DNAJC3: variants seen among roughly 807,000 people sequenced by gnomAD.
DNAJC3 encodes DnaJ heat shock protein family (Hsp40) member C3, also known as dnaJ homolog subfamily C member 3.
In DNAJC3, 38 loss-of-function variants were observed where a neutral mutation model predicts 68.6. That is an observed-to-expected ratio of 0.55 (90% CI 0.43 to 0.73). DNAJC3 has a LOEUF of 0.73. Ranked by LOEUF, DNAJC3 falls within the 30% of genes least tolerant of loss-of-function variation. The probability of loss-of-function intolerance (pLI) is 0.00; values close to 1 mark genes in which losing one functional copy is unlikely to be tolerated. For missense variants in DNAJC3, 526 were observed against 591.9 expected (o/e 0.89, Z 1.16); for synonymous variants, 203 against 204.0 (o/e 1.00, Z 0.04).
intron 9 of DNAJC3, among the ~76,000 whole-genome samples, chr13:95,781,992 C>T (rs942770360): frequency 2.0e-5 from 3 of 152,042 alleles, no homozygotes; most frequent in East Asian, 3.9e-4. Flanking sequence ...GTGTGATGTT[C>T]CCCTCCCTGT....
At chr13:95,755,911 C>T (rs1480037191) in intron 4 of DNAJC3, among the ~76,000 whole-genome samples, 2 of 152,158 alleles carry the variant, frequency 1.3e-5, no homozygotes, top group Admixed American at 6.5e-5. Context: ...AATCCTCTCT[C>T]CCTCTTCCCC....
intron 6 of DNAJC3, 116 bp from the exon 7 acceptor site, chr13:95,760,563 G>A: frequency 1.5e-6 from 2 of 1,312,528 alleles, no homozygotes; most frequent in Admixed American, 4.9e-5. Context: ...ATAAGTCTCA[G>A]TATGGTTTTT....
chr13:95,701,990 C>G (rs1327056660), intron 1 of DNAJC3, among the ~76,000 whole-genome samples: 2 of 152,186 alleles, frequency 1.3e-5, no homozygotes, highest in Admixed American at 6.5e-5. Flanking sequence ...TTTGTTTTAA[C>G]ACATATGCAT....
At chr13:95,701,747 C>T (rs1253942098) in intron 1 of DNAJC3, among the ~76,000 whole-genome samples, 2 of 152,208 alleles carry the variant, frequency 1.3e-5, no homozygotes, top group African/African-American at 4.8e-5. Flanking sequence ...TTATTGAGCA[C>T]TTAAACTGTT....
At chr13:95,717,658 C>T (rs1193218741) in intron 2 of DNAJC3, among the ~76,000 whole-genome samples, 2 of 152,054 alleles carry the variant, frequency 1.3e-5, no homozygotes, top group African/African-American at 4.8e-5. Flanking sequence ...GGGGATGGTT[C>T]CCCCCATACT....
At chr13:95,756,974 T>A (rs1203526287) in intron 4 of DNAJC3, among the ~76,000 whole-genome samples, 1 of 152,154 alleles carries the variant, frequency 6.6e-6, no homozygotes, top group East Asian at 1.9e-4. Context: ...ATTTATTTTT[T>A]AAAAAATCAT....
intron 1 of DNAJC3, among the ~76,000 whole-genome samples, chr13:95,683,432 T>A (rs1021622235): frequency 2.0e-5 from 3 of 152,174 alleles, no homozygotes; most frequent in South Asian, 4.1e-4. Flanking sequence ...GTTATTGTGA[T>A]AGAATTCTCA....
chr13:95,737,331 C>T (rs975408800), intron 4 of DNAJC3, among the ~76,000 whole-genome samples: 2 of 152,130 alleles, frequency 1.3e-5, no homozygotes, highest in Non-Finnish European at 2.9e-5. Context: ...TGATGCTGGC[C>T]TCATAAAATG....
intron 4 of DNAJC3, among the ~76,000 whole-genome samples, chr13:95,746,307 T>G (rs1455518432): frequency 6.6e-6 from 1 of 152,194 alleles, no homozygotes; most frequent in Non-Finnish European, 1.5e-5. Flanking sequence ...TGGAAAGATA[T>G]GCAAGAAACT....
At chr13:95,693,664 C>T (rs150915446) in intron 1 of DNAJC3, 2 of 152,284 alleles carry the variant, frequency 1.3e-5, no homozygotes, top group Non-Finnish European at 2.9e-5. Flanking sequence ...GACTATTAGT[C>T]TTCTAACTAA....
At chr13:95,734,253 T>G (rs1881814589) in intron 4 of DNAJC3, among the ~76,000 whole-genome samples, 1 of 152,192 alleles carries the variant, frequency 6.6e-6, no homozygotes, top group South Asian at 2.1e-4. Flanking sequence ...GGGAAAGGCT[T>G]TATTTTTCTC....
At chr13:95,725,682 T>C (rs1357829509) in intron 4 of DNAJC3, among the ~76,000 whole-genome samples, 1 of 151,720 alleles carries the variant, frequency 6.6e-6, no homozygotes, top group African/African-American at 2.4e-5. Context: ...TTTTTTTTTA[T>C]TATTATTATA....
intron 9 of DNAJC3, among the ~76,000 whole-genome samples, chr13:95,773,638 A>T (rs1224804296): frequency 6.6e-6 from 1 of 151,722 alleles, no homozygotes; most frequent in East Asian, 1.9e-4. Context: ...AAGGTCTGTA[A>T]GATTATTCCT....
Position 95,792,588 on chromosome 13 carries a change from TGA to T in DNAJC3, c.*1563_*1564del, listed in dbSNP as rs1431461336. 3 of 152,206 alleles carry T rather than the reference TGA, an allele frequency of 2.0e-5. No individual in the cohort carries two copies. The highest frequency in any genetic ancestry group is 2.0e-4 in the Admixed American group (3 of 15,284). The allele number at this position is 152,206 out of a possible 1,614,324, so 9.4% of individuals were successfully genotyped here. ...AAACATAGGTGGACAAATTTTTAACTGAGAGACAAAAATCACATAGTTGAATT... is the reference window on the plus strand; with the variant it reads ...AAACATAGGTGGACAAATTTTTAACTGAGACAAAAATCACATAGTTGAATT... On this transcript the variant is annotated 3_prime_UTR_variant, in exon 12 of 12. Transcript: ENST00000602402.
intron 1 of DNAJC3, among the ~76,000 whole-genome samples, chr13:95,697,509 A>T (rs2139613508): frequency 6.6e-6 from 1 of 152,330 alleles, no homozygotes; most frequent in Non-Finnish European, 1.5e-5. Flanking sequence ...CGTCTTGTAT[A>T]GTATCTTCCA....
chr13:95,757,255 A>T lies in DNAJC3; in HGVS notation c.394-389A>T, dbSNP rs924396342. On this transcript the variant is annotated intron_variant, in intron 4 of 11. Coordinates refer to ENST00000602402, the MANE Select transcript of DNAJC3 (RefSeq NM_006260.5). Reference sequence around the variant, plus strand: ...TTTTGGTTATTTTATACTTAAAAAAATACTTAGGAACTATAAGTAGAAGGC... The same window carrying T: ...TTTTGGTTATTTTATACTTAAAAAATTACTTAGGAACTATAAGTAGAAGGC... Among the ~76,000 whole-genome samples, 5 of 152,194 alleles carry T rather than the reference A, an allele frequency of 3.3e-5. No homozygotes were observed. The East Asian group carries it at 7.7e-4, about 23-fold the overall frequency.
At chr13:95,788,761 C>A (rs1335192655) in intron 11 of DNAJC3, among the ~76,000 whole-genome samples, 3 of 152,184 alleles carry the variant, frequency 2.0e-5, no homozygotes, top group African/African-American at 7.2e-5. Flanking sequence ...GCCATTATCA[C>A]CCCCACCCCT....
intron 4 of DNAJC3, among the ~76,000 whole-genome samples, chr13:95,733,524 T>C (rs1250297825): frequency 2.0e-5 from 3 of 152,092 alleles, no homozygotes; most frequent in African/African-American, 4.8e-5. Flanking sequence ...CCTGAGTAGC[T>C]GGGACTACAG....
At chr13:95,775,952 A>T (rs1883279145) in intron 9 of DNAJC3, among the ~76,000 whole-genome samples, 2 of 152,104 alleles carry the variant, frequency 1.3e-5, no homozygotes, top group Admixed American at 6.5e-5. Context: ...GACAGTTTGT[A>T]TGAATGAGAT....
Sources: allele counts gnomAD v4.1 joint callset (sites outside exome capture counted in the v4.1 genomes callset), GRCh38; gene constraint gnomAD v4.1.1; transcripts MANE v1.5; gene names NCBI Gene and HGNC (gene_info 2026-07-23, HGNC 2026-07-21).